TMEM87B: variants seen among roughly 807,000 people sequenced by gnomAD.
The protein encoded by TMEM87B is transmembrane protein 87B.
A neutral mutation model predicts 80.3 loss-of-function variants in TMEM87B; 83 were observed. The observed-to-expected ratio is 1.03, with a 90% CI of 0.87 to 1.24. The LOEUF (loss-of-function observed/expected upper bound fraction) is 1.24, where lower values mean the gene tolerates loss of function less well. Ranked by LOEUF, TMEM87B falls within the 50% of genes most tolerant of loss-of-function variation. The pLI is 0.00. For synonymous variants in TMEM87B, 219 were observed against 230.5 expected, an observed-to-expected ratio of 0.95 and a Z score of 0.45; for missense variants, 625 against 674.4, an observed-to-expected ratio of 0.93 and a Z score of 0.81.
intron 14 of TMEM87B, among the ~76,000 whole-genome samples, chr2:112,098,999 T>C (rs1362651505): frequency 6.6e-6 from 1 of 150,608 alleles, no homozygotes; most frequent in East Asian, 2.0e-4. Flanking sequence ...TCTGGGGTGG[T>C]GGGAAAGGCA....
rs999875828 is a variant in TMEM87B, at chr2:112,075,571, G to T, written c.501+609G>T. Reference sequence around the variant, plus strand: ...AAGACAGCATAGCAATGGGCTGTGCGTGTCATTAAGGATTTAAAGAAATAG... The same window carrying T: ...AAGACAGCATAGCAATGGGCTGTGCTTGTCATTAAGGATTTAAAGAAATAG... On this transcript the variant is annotated intron_variant, in intron 5 of 18. Coordinates refer to ENST00000283206, the MANE Select transcript of TMEM87B (RefSeq NM_032824.3). Among the ~76,000 whole-genome samples the T allele has an allele frequency of 5.3e-5, 8 of 152,222 alleles. No homozygotes were observed. In the East Asian group the frequency reaches 1.3e-3, roughly 26 times the overall value.
At chr2:112,080,555 G>A (rs1176788230) in intron 6 of TMEM87B, among the ~76,000 whole-genome samples, 4 of 152,128 alleles carry the variant, frequency 2.6e-5, no homozygotes, top group Admixed American at 6.5e-5. Flanking sequence ...CACCACGCCC[G>A]GCCTGCCCAT....
chr2:112,070,068 A>G (rs891680376), intron 4 of TMEM87B, among the ~76,000 whole-genome samples: 2 of 152,062 alleles, frequency 1.3e-5, no homozygotes, highest in African/African-American at 2.4e-5. Flanking sequence ...GACACTGGAC[A>G]TTAGACCTTT....
intron 1 of TMEM87B, among the ~76,000 whole-genome samples, chr2:112,057,770 C>T (rs758646212): frequency 6.6e-6 from 1 of 151,736 alleles, no homozygotes; most frequent in African/African-American, 2.4e-5. Context: ...TGGGATATTA[C>T]TGGAGCACCA....
intron 15 of TMEM87B, among the ~76,000 whole-genome samples, chr2:112,103,285 A>G (rs1460371415): frequency 6.6e-6 from 1 of 152,246 alleles, no homozygotes; most frequent in Non-Finnish European, 1.5e-5. Context: ...AAAACAATGC[A>G]GAGATAAATT....
chr2:112,110,461 T>G (rs889270947), intron 17 of TMEM87B, among the ~76,000 whole-genome samples: 2 of 152,182 alleles, frequency 1.3e-5, no homozygotes, highest in African/African-American at 4.8e-5. Flanking sequence ...TGTATTTAAT[T>G]TGGAGTATTG....
intron 11 of TMEM87B, among the ~76,000 whole-genome samples, chr2:112,093,365 G>C (rs1022061061): frequency 2.0e-5 from 3 of 152,158 alleles, no homozygotes; most frequent in Non-Finnish European, 4.4e-5. Context: ...TTGGGTACTA[G>C]GATCAGACAT....
chr2:112,072,705 C>CA (rs937355639), intron 4 of TMEM87B, among the ~76,000 whole-genome samples: 3 of 151,486 alleles, frequency 2.0e-5, no homozygotes, highest in African/African-American at 4.8e-5. Context: ...TTAATTTTCT[C>CA]AAAAAAACAG....
At chr2:112,056,040 G>A (rs1678046358) in intron 1 of TMEM87B, among the ~76,000 whole-genome samples, 1 of 152,152 alleles carries the variant, frequency 6.6e-6, no homozygotes, top group Admixed American at 6.5e-5. Context: ...CGACGCCGTG[G>A]CCCTCATTCT....
At chr2:112,083,344 C>T (rs552384090) in intron 8 of TMEM87B, among the ~76,000 whole-genome samples, 3 of 152,256 alleles carry the variant, frequency 2.0e-5, no homozygotes, top group East Asian at 1.9e-4. Flanking sequence ...CAGTCTAGAC[C>T]GCTGCTGTTT....
chr2:112,061,635 G>A (rs1338809096), intron 2 of TMEM87B, among the ~76,000 whole-genome samples: 1 of 152,064 alleles, frequency 6.6e-6, no homozygotes, highest in African/African-American at 2.4e-5. Flanking sequence ...ATCTCAGTCT[G>A]GTGCTGACAA....
At chr2:112,075,398 T>C (rs557429925) in intron 5 of TMEM87B, among the ~76,000 whole-genome samples, 1 of 152,272 alleles carries the variant, frequency 6.6e-6, no homozygotes, top group East Asian at 1.9e-4. Context: ...AGACTCTGCC[T>C]CAAAAAAAAG....
intron 1 of TMEM87B, among the ~76,000 whole-genome samples, chr2:112,059,713 A>G (rs1367024811): frequency 1.3e-5 from 2 of 152,320 alleles, no homozygotes; most frequent in African/African-American, 2.4e-5. Context: ...TAATCCTGCA[A>G]TGGCAGCATC....
chr2:112,069,766 T>G (rs1473904235), intron 4 of TMEM87B, among the ~76,000 whole-genome samples: 1 of 152,212 alleles, frequency 6.6e-6, no homozygotes, highest in African/African-American at 2.4e-5. Flanking sequence ...CCACAATGGG[T>G]GAACCAATTT....
At position 112,080,460 on chromosome 2, in the gene TMEM87B, C is replaced by T. The variant is rs560844877; in HGVS notation, c.593-597C>T. ...ATTTTTAGTAGAGACGGTGTTTCAC[C>T]GTGTTAGCCAGGATGGTCTCGATCT... On this transcript the variant is annotated intron_variant, in intron 6 of 18. Transcript: ENST00000283206. Among the ~76,000 whole-genome samples the T allele has an allele frequency of 3.9e-3, 587 of 151,260 alleles. 2 individuals carry two copies. Among genetic ancestry groups the T allele is most frequent in the Non-Finnish European group, 6.2e-3 (419 of 67,848 alleles).
chr2:112,064,163 T>G lies in TMEM87B; in HGVS notation c.228T>G (p.Val76=), dbSNP rs987358510. ...ACAAGACTTTCTTTTTCTAAACAGT[T>G]AAGTCATTCCATTGTTCTGGGCCTG... ...MFNSTDIKLS[V]KSFHCSGPVK... Residue 76 remains valine (V), a splice_region_variant and synonymous_variant, in exon 3 of 19, where the codon GTT becomes GTG. Coordinates refer to ENST00000283206, the MANE Select transcript of TMEM87B (RefSeq NM_032824.3). 31 of 1,613,072 alleles carry G rather than the reference T, an allele frequency of 1.9e-5. No individual in the cohort carries two copies. The highest frequency in any genetic ancestry group is 2.5e-5 in the Non-Finnish European group (30 of 1,179,528).
chr2:112,056,765 C>A (rs1446071875), intron 1 of TMEM87B, among the ~76,000 whole-genome samples: 2 of 152,202 alleles, frequency 1.3e-5, no homozygotes, highest in African/African-American at 4.8e-5. Context: ...CTTTCTGGAT[C>A]TTTTAAGACC....
At chr2:112,079,607 T>C (rs544281993) in intron 6 of TMEM87B, among the ~76,000 whole-genome samples, 97 of 152,330 alleles carry the variant, frequency 6.4e-4, no homozygotes, top group African/African-American at 2.1e-3. Context: ...AAACTGATTT[T>C]AGATCTTTTG....
chr2:112,074,817 C>A (rs1420513489), intron 4 of TMEM87B, 95 bp from the exon 5 acceptor site: 98 of 1,342,468 alleles, frequency 7.3e-5, no homozygotes, highest in Non-Finnish European at 1.5e-5. Flanking sequence ...TTTAATTTTT[C>A]ATTTTTCTTC....
Sources: allele counts gnomAD v4.1 joint callset (sites outside exome capture counted in the v4.1 genomes callset), GRCh38; gene constraint gnomAD v4.1.1; transcripts MANE v1.5; gene names NCBI Gene and HGNC (gene_info 2026-07-23, HGNC 2026-07-21).